The following PER2 variants were observed in gnomAD, a reference collection of about 807,000 sequenced individuals.
PER2 encodes the protein period circadian protein homolog 2.
A neutral mutation model predicts 121.0 loss-of-function variants in PER2; 66 were observed. The observed-to-expected ratio is 0.55, with a 90% confidence interval of 0.45 to 0.67. PER2 has a LOEUF of 0.67. Among genes scored for constraint, PER2 ranks in the 30% least tolerant of loss-of-function variants. The pLI, the probability that PER2 is intolerant of heterozygous loss-of-function variation, is 0.00. For missense variants in PER2, 1,521 were observed against 1,635.0 expected (o/e 0.93, Z 1.20); for synonymous variants, 684 against 659.9 (o/e 1.04, Z -0.56).
intron 2 of PER2, 85 bp from the exon 3 acceptor site, chr2:238,277,278 G>T (rs1696484529): frequency 5.5e-6 from 5 of 912,700 alleles, no homozygotes; most frequent in Admixed American, 1.7e-5. Context: ...AGTGATAACA[G>T]GCTAGATAAT....
intron 18 of PER2, among the ~76,000 whole-genome samples, chr2:238,254,017 A>G (rs1323392987): frequency 2.6e-5 from 4 of 152,258 alleles, no homozygotes; most frequent in Non-Finnish European, 4.4e-5. Context: ...TATTTGTTAA[A>G]TAAATACACT....
intron 8 of PER2, among the ~76,000 whole-genome samples, chr2:238,266,191 CTG>C (rs1696104799): frequency 1.3e-5 from 2 of 152,180 alleles, no homozygotes; most frequent in East Asian, 1.9e-4. Flanking sequence ...GCGTGAGCCA[CTG>C]CGCCCGGCCC....
chr2:238,262,450 G>C, intron 10 of PER2, 106 bp from the exon 11 acceptor site: 2 of 1,082,280 alleles, frequency 1.8e-6, no homozygotes, highest in Non-Finnish European at 2.8e-6. Context: ...TTTGCAAACT[G>C]TAGGGGTATG....
intron 22 of PER2, among the ~76,000 whole-genome samples, chr2:238,248,428 C>T: frequency 6.6e-6 from 1 of 152,078 alleles, no homozygotes; most frequent in East Asian, 1.9e-4. Flanking sequence ...TTGTTTTTTC[C>T]ACCATTATTT....
In PER2 at chr2:238,246,540, A is replaced by C; in HGVS notation, c.3619-16T>G. On this transcript the variant is annotated splice_polypyrimidine_tract_variant and intron_variant, in intron 22 of 22. Coordinates refer to ENST00000254657, the MANE Select transcript of PER2 (RefSeq NM_022817.3). ...AAACACATTCCTTAAAAGAAAAAAA[A>C]AGAGAAATCAGTAACAAACTTGAGA... 1 of 1,538,376 alleles carries C rather than the reference A, an allele frequency of 6.5e-7. No individual in the cohort carries two copies. The highest frequency in any genetic ancestry group is 9.0e-7 in the Non-Finnish European group (1 of 1,113,048).
chr2:238,280,571 C>T (rs1696599867), intron 1 of PER2, among the ~76,000 whole-genome samples: 1 of 152,070 alleles, frequency 6.6e-6, no homozygotes, highest in African/African-American at 2.4e-5. Context: ...GAAAATGCCA[C>T]ATTAGAATGG....
rs1297956305 is a variant in PER2 at position 238,274,894 on chromosome 2, G to C, written c.448+849C>G. Reference sequence around the variant, plus strand: ...CCAAAGCCAACACCCAAAAATGCAAGAGTCCAAGCTAGCACATGGCAGAGC... The same window carrying C: ...CCAAAGCCAACACCCAAAAATGCAACAGTCCAAGCTAGCACATGGCAGAGC... On this transcript the variant is annotated intron_variant, in intron 4 of 22. Coordinates refer to ENST00000254657, the MANE Select transcript of PER2 (RefSeq NM_022817.3). 2.6e-5 allele frequency among the ~76,000 whole-genome samples: 4 copies of C among 152,308 alleles called. No individual in the cohort carries two copies. In the South Asian group the frequency reaches 8.3e-4, roughly 32 times the overall value.
intron 22 of PER2, among the ~76,000 whole-genome samples, chr2:238,248,176 C>A (rs1238315455): frequency 1.3e-5 from 2 of 152,196 alleles, no homozygotes; most frequent in Non-Finnish European, 2.9e-5. Context: ...CTGAAGAGCA[C>A]AGGGCCTGGA....
At chr2:238,291,858 G>A (rs1696956188), upstream of PER2, among the ~76,000 whole-genome samples, 2 of 152,232 alleles carry the variant, frequency 1.3e-5, no homozygotes, top group Admixed American at 1.3e-4. Context: ...GAGGGCAGGT[G>A]CCTGTCCCTG....
chr2:238,262,231 TG>T lies in PER2; in HGVS notation c.1266del (p.Ser422ArgfsTer18). 1 of 1,614,148 alleles carries T rather than the reference TG, an allele frequency of 6.2e-7. No individual in the cohort carries two copies. Among genetic ancestry groups the T allele is most frequent in the Non-Finnish European group, 8.5e-7 (1 of 1,180,022 alleles). ...CTCCCAATGATGAAGGAGATTTTCCTGCTCCATGGGTTGATGAAGCTGGACC... is the reference window on the plus strand; with the variant it reads ...CTCCCAATGATGAAGGAGATTTTCCTCTCCATGGGTTGATGAAGCTGGACC... ...TSWSSFINPW[S>X]RKISFIIGRH... On this transcript the variant is annotated frameshift_variant, in exon 11 of 23. Coordinates refer to ENST00000254657, the MANE Select transcript of PER2 (RefSeq NM_022817.3). LOFTEE classifies it high-confidence loss of function.
chr2:238,296,780 AG>A, the PER2 span, among the ~76,000 whole-genome samples: 3 of 152,146 alleles, frequency 2.0e-5, no homozygotes, highest in South Asian at 2.1e-4. Context: ...TGGCGGCCCC[AG>A]GGGGGGTTCC....
At position 238,249,163 on chromosome 2, in the gene PER2, G is replaced by C; in HGVS notation, c.3517C>G (p.Gln1173Glu). The C allele has an allele frequency of 6.2e-7, 1 of 1,613,956 alleles. No individual in the cohort carries two copies. Among genetic ancestry groups the C allele is most frequent in the African/African-American group, 1.3e-5 (1 of 75,062 alleles). The change falls in exon 22 of 23, where the codon CAG becomes GAG. Residue 1173 changes from glutamine to glutamate, a missense_variant. Coordinates refer to ENST00000254657, the MANE Select transcript of PER2 (RefSeq NM_022817.3). ...KEDREKLKLL[Q>E]KLQPRFTESQ... ...TCCGTGAACCTGGGCTGGAGTTTCT[G>C]TAGGAGCTTCAGCTTCTCTCTGTCC...
upstream of PER2, among the ~76,000 whole-genome samples, chr2:238,294,564 C>G (rs1204379723): frequency 2.6e-5 from 4 of 152,244 alleles, no homozygotes; most frequent in Non-Finnish European, 5.9e-5. Flanking sequence ...GCTTGGCACA[C>G]ATTCTCTTCT....
intron 5 of PER2, among the ~76,000 whole-genome samples, chr2:238,272,587 G>C (rs184018767): frequency 1.3e-5 from 2 of 152,250 alleles, no homozygotes; most frequent in African/African-American, 4.8e-5. Flanking sequence ...TGTTCTCACC[G>C]GCTGAGAACT....
At chr2:238,273,413 T>C (rs1192860700) in intron 4 of PER2, among the ~76,000 whole-genome samples, 2 of 152,120 alleles carry the variant, frequency 1.3e-5, no homozygotes, top group East Asian at 1.9e-4. Flanking sequence ...ACTTTGATTA[T>C]AAAATGTTTT....
rs372714687 is a variant in PER2 at position 238,260,973 on chromosome 2, C to A, written c.1417-20G>T. The A allele has an allele frequency of 1.2e-6, 2 of 1,609,760 alleles. No individual in the cohort carries two copies. The highest frequency in any genetic ancestry group is 8.5e-7 in the Non-Finnish European group (1 of 1,179,312). ...GACGGGCTGGGGAGACAGCAGACAGCGCTACAGACACAGCCAGGGCTGCTG... is the reference window on the plus strand; with the variant it reads ...GACGGGCTGGGGAGACAGCAGACAGAGCTACAGACACAGCCAGGGCTGCTG... On this transcript the variant is annotated intron_variant, in intron 12 of 22. Transcript: ENST00000254657.
At chr2:238,287,359 C>G (rs76784767) in intron 1 of PER2, among the ~76,000 whole-genome samples, 4 of 152,178 alleles carry the variant, frequency 2.6e-5, no homozygotes, top group Non-Finnish European at 4.4e-5. Flanking sequence ...CCAAATAAAG[C>G]CTTCAGGTAG....
rs148643685 is a variant in PER2, at chr2:238,264,046, G to T, written c.1047-988C>A. Among the ~76,000 whole-genome samples the T allele has an allele frequency of 1.6e-3, 248 of 152,050 alleles. 1 individual carries two copies. Among genetic ancestry groups the T allele is most frequent in the African/African-American group, 5.8e-3 (239 of 41,464 alleles). On this transcript the variant is annotated intron_variant, in intron 9 of 22. Transcript: ENST00000254657. Reference sequence around the variant, plus strand: ...GTGAAAAGAAGGAGGGGAGGAGGAGGGGGAGCCCTGGCTGTCCTTGGGCTT... The same window carrying T: ...GTGAAAAGAAGGAGGGGAGGAGGAGTGGGAGCCCTGGCTGTCCTTGGGCTT...
rs1284465830 is a variant in PER2 at position 238,260,942 on chromosome 2, G to A, written c.1428C>T (p.His476=). ...IHRLLLQPVP[H]SGSSGYGSLG... ...GACTCCCGTAGCCACTGGAGCCGCT[G>A]TGGGGGACGGGCTGGGGAGACAGCA... The change falls in exon 13 of 23, where the codon CAC becomes CAT. Residue 476 remains histidine, a synonymous_variant. Coordinates refer to ENST00000254657, the MANE Select transcript of PER2 (RefSeq NM_022817.3). The A allele has an allele frequency of 6.2e-7, 1 of 1,613,214 alleles. No individual in the cohort carries two copies. The highest frequency in any genetic ancestry group is 8.5e-7 in the Non-Finnish European group (1 of 1,179,994).
Sources: allele counts gnomAD v4.1 joint callset (sites outside exome capture counted in the v4.1 genomes callset), GRCh38; gene constraint gnomAD v4.1.1; transcripts MANE v1.5; gene names NCBI Gene and HGNC (gene_info 2026-07-23, HGNC 2026-07-21).